Variants in SOX5 observed in about 807,000 individuals in gnomAD.
SOX5 encodes transcription factor SOX-5.
In SOX5, 9 loss-of-function variants were observed where a neutral mutation model predicts 92.0. The ratio of observed to expected loss-of-function variants is 0.10; its 90% CI spans 0.06 to 0.17. The LOEUF is 0.17. SOX5 is among the 10% of genes least tolerant of loss of function. The probability of loss-of-function intolerance (pLI) is 1.00; values close to 1 mark genes in which losing one functional copy is unlikely to be tolerated. For missense variants in SOX5, 642 were observed against 944.5 expected (o/e 0.68, Z 4.20); for synonymous variants, 344 against 336.3 (o/e 1.02, Z -0.25).
At chr12:23,779,167 T>C (rs1022563509) in intron 3 of SOX5, among the ~76,000 whole-genome samples, 2 of 152,100 alleles carry the variant, frequency 1.3e-5, no homozygotes, top group African/African-American at 4.8e-5. Flanking sequence ...TTTCATAAAT[T>C]GTCATTTAGC....
chr12:23,669,206 G>A (rs1399157276), intron 6 of SOX5, among the ~76,000 whole-genome samples: 2 of 152,096 alleles, frequency 1.3e-5, no homozygotes, highest in Non-Finnish European at 1.5e-5. Context: ...CAATAATACA[G>A]ACTTGTATAG....
chr12:23,787,982 A>T (rs1469357754), intron 3 of SOX5, among the ~76,000 whole-genome samples: 1 of 151,770 alleles, frequency 6.6e-6, no homozygotes, highest in East Asian at 1.9e-4. Flanking sequence ...AGACAATGAG[A>T]AAGATACTGC....
chr12:24,465,483 G>A (rs905117029), intron 1 of SOX5, among the ~76,000 whole-genome samples: 3 of 152,168 alleles, frequency 2.0e-5, no homozygotes, highest in Admixed American at 6.5e-5. Flanking sequence ...AAATTGAAGA[G>A]TGAGGAAAAA....
At chr12:23,997,363 T>C (rs1213311989) in intron 4 of SOX5, among the ~76,000 whole-genome samples, 1 of 152,096 alleles carries the variant, frequency 6.6e-6, no homozygotes, top group East Asian at 1.9e-4. Context: ...TCAAAAACAA[T>C]AGCGATCTTG....
chr12:24,014,915 T>C (rs931935266), intron 4 of SOX5, among the ~76,000 whole-genome samples: 2 of 152,148 alleles, frequency 1.3e-5, no homozygotes, highest in Non-Finnish European at 2.9e-5. Context: ...GTAAAACTGC[T>C]GGCTTTGTGT....
chr12:24,256,252 T>A (rs1419334115), intron 3 of SOX5, among the ~76,000 whole-genome samples: 5 of 152,208 alleles, frequency 3.3e-5, no homozygotes, highest in Admixed American at 1.3e-4. Context: ...ATATCATAGA[T>A]TCCATTAGAT....
At chr12:23,866,473 T>G (rs1011372146) in intron 2 of SOX5, among the ~76,000 whole-genome samples, 29 of 152,206 alleles carry the variant, frequency 1.9e-4, no homozygotes, top group African/African-American at 7.0e-4. Flanking sequence ...AGGAGAGGCA[T>G]CCAGGTCATC....
rs541842154 is a variant in SOX5 at position 23,722,882 on chromosome 12, C to T, written c.810+11802G>A. Among the ~76,000 whole-genome samples the T allele has an allele frequency of 2.0e-5, 3 of 152,200 alleles. No individual in the cohort carries two copies. In the East Asian group the frequency reaches 5.8e-4, roughly 29 times the overall value. ...GTACAAAGCGCAATCAGTTTGGAAG[C>T]GGAGACACCAGCATTTTTCTTCTCA... On this transcript the variant is annotated intron_variant, in intron 6 of 14. Transcript: ENST00000451604.
intron 4 of SOX5, among the ~76,000 whole-genome samples, chr12:24,155,288 T>C (rs1468483305): frequency 1.3e-5 from 2 of 152,112 alleles, no homozygotes; most frequent in Non-Finnish European, 2.9e-5. Flanking sequence ...AAAAAAAACA[T>C]ATTCATAATT....
intron 4 of SOX5, among the ~76,000 whole-genome samples, chr12:24,194,405 ATAGGTAGG>A (rs771951950): frequency 6.8e-6 from 1 of 148,134 alleles, no homozygotes; most frequent in Non-Finnish European, 1.5e-5. Flanking sequence ...ATCTATCTAG[ATAGGTAGG>A]TAGGTAGGTA....
chr12:24,432,579 C>T (rs1938568945), intron 1 of SOX5, among the ~76,000 whole-genome samples: 1 of 152,106 alleles, frequency 6.6e-6, no homozygotes, highest in Non-Finnish European at 1.5e-5. Context: ...CTTTGGGAGG[C>T]CAAGGCAGCA....
At chr12:24,186,796 C>CA (rs1405431866) in intron 4 of SOX5, among the ~76,000 whole-genome samples, 4 of 151,818 alleles carry the variant, frequency 2.6e-5, no homozygotes, top group Non-Finnish European at 2.9e-5. Context: ...GACTATATGC[C>CA]AAAATCTTGC....
chr12:24,083,342 T>G (rs1592994059), intron 4 of SOX5, among the ~76,000 whole-genome samples: 1 of 152,028 alleles, frequency 6.6e-6, no homozygotes, highest in East Asian at 1.9e-4. Flanking sequence ...CATACAAGAT[T>G]TAAAACATGT....
chr12:23,544,534 T>G (rs1291452527), intron 12 of SOX5, among the ~76,000 whole-genome samples: 1 of 152,170 alleles, frequency 6.6e-6, no homozygotes, highest in Non-Finnish European at 1.5e-5. Context: ...GACACAGGAA[T>G]CAAACAAAAT....
intron 1 of SOX5, among the ~76,000 whole-genome samples, chr12:23,936,672 T>C (rs1942630053): frequency 6.6e-6 from 1 of 150,810 alleles, no homozygotes; most frequent in South Asian, 2.1e-4. Flanking sequence ...CCAATAGAAA[T>C]ATGAGAGCCA....
At chr12:24,145,587 C>T (rs1350592055) in intron 4 of SOX5, among the ~76,000 whole-genome samples, 1 of 152,166 alleles carries the variant, frequency 6.6e-6, no homozygotes, top group Non-Finnish European at 1.5e-5. Context: ...GCCTCAACCT[C>T]CCAGGCTCAA....
chr12:24,510,109 A>G (rs954648284), intron 1 of SOX5, among the ~76,000 whole-genome samples: 1 of 152,256 alleles, frequency 6.6e-6, no homozygotes, highest in Non-Finnish European at 1.5e-5. Flanking sequence ...TTATTCAAAT[A>G]GACTGGAGTC....
intron 2 of SOX5, among the ~76,000 whole-genome samples, chr12:23,861,216 G>A (rs141862932): frequency 1.3e-5 from 2 of 152,118 alleles, no homozygotes; most frequent in Admixed American, 6.6e-5. Flanking sequence ...TCTTGGTGCT[G>A]TGTGTCCTGC....
intron 4 of SOX5, among the ~76,000 whole-genome samples, chr12:24,165,741 G>C (rs1287648306): frequency 6.6e-6 from 1 of 152,096 alleles, no homozygotes; most frequent in Non-Finnish European, 1.5e-5. Flanking sequence ...CCAACGGTGG[G>C]GAAGAGGGGA....
Sources: gnomAD v4.1 joint callset for allele counts (sites outside exome capture counted in the v4.1 genomes callset) on GRCh38, gnomAD v4.1.1 for gene constraint, MANE v1.5 for transcripts, NCBI Gene and HGNC (gene_info 2026-07-23, HGNC 2026-07-21) for gene names.